RYR2: variants seen among roughly 807,000 people sequenced by gnomAD.
RYR2 encodes ryanodine receptor 2.
In RYR2, 227 loss-of-function variants were observed where a neutral mutation model predicts 601.1. The ratio of observed to expected loss-of-function variants is 0.38; its 90% CI spans 0.34 to 0.42. The LOEUF (loss-of-function observed/expected upper bound fraction) is 0.42, where lower values mean the gene tolerates loss of function less well. RYR2 is among the 10% of genes least tolerant of loss of function. RYR2 has a pLI of 1.00. For synonymous variants in RYR2, 2,223 were observed against 2,175.1 expected (o/e 1.02, Z -0.61); for missense variants, 4,646 against 6,156.5 (o/e 0.75, Z 8.21).
intron 70 of RYR2, among the ~76,000 whole-genome samples, chr1:237,711,389 A>G (rs558269002): frequency 4.9e-4 from 75 of 152,332 alleles, no homozygotes; most frequent in South Asian, 4.6e-3. Context: ...TCATAGTTCT[A>G]TGTGTCCTCG....
chr1:237,627,788 A>G lies in RYR2; in HGVS notation c.6167-19A>G, dbSNP rs1292102705. 1.3e-6 allele frequency: 2 copies of G among 1,561,340 alleles called. No individual in the cohort carries two copies. On this transcript the variant is annotated intron_variant, in intron 40 of 104. Coordinates refer to ENST00000366574, the MANE Select transcript of RYR2 (RefSeq NM_001035.3). Reference sequence around the variant, plus strand: ...TTCTCTTATTTTTCTTTTAAAAAATATCCATAATGACTTTGCAGCCACTCT... The same window carrying G: ...TTCTCTTATTTTTCTTTTAAAAAATGTCCATAATGACTTTGCAGCCACTCT...
At chr1:237,127,093 G>C (rs1300380699) in intron 1 of RYR2, among the ~76,000 whole-genome samples, 1 of 151,524 alleles carries the variant, frequency 6.6e-6, no homozygotes, top group Non-Finnish European at 1.5e-5. Flanking sequence ...GAGAGCACAG[G>C]GTTGGGGGTA....
At chr1:237,641,475 T>TCTG (rs1558122398) in intron 47 of RYR2, among the ~76,000 whole-genome samples, 33 of 16,964 alleles carry the variant, frequency 1.9e-3, no homozygotes, top group African/African-American at 2.7e-3. Context: ...CTGTCTGTCT[T>TCTG]TCTTTCTTTC....
At chr1:237,408,259 T>A (rs56330500) in intron 10 of RYR2, among the ~76,000 whole-genome samples, 6,056 of 151,796 alleles carry the variant, frequency 0.04, 196 homozygotes, top group Non-Finnish European at 0.066. Flanking sequence ...TGTTCTAGAT[T>A]AGTTTTTCTA....
At chr1:237,421,233 C>T (rs1386647151) in intron 11 of RYR2, among the ~76,000 whole-genome samples, 2 of 151,892 alleles carry the variant, frequency 1.3e-5, no homozygotes, top group African/African-American at 2.4e-5. Context: ...AGCGAGACTC[C>T]GTCTCAAAAT....
chr1:237,319,262 G>A (rs1021267268), intron 2 of RYR2, among the ~76,000 whole-genome samples: 30 of 151,930 alleles, frequency 2.0e-4, no homozygotes, highest in African/African-American at 3.1e-4. Context: ...TATAATAGCC[G>A]CCTTGAAGCC....
chr1:237,256,105 G>T (rs1292282161), intron 1 of RYR2, among the ~76,000 whole-genome samples: 1 of 152,062 alleles, frequency 6.6e-6, no homozygotes, highest in Non-Finnish European at 1.5e-5. Flanking sequence ...GGAGATAATT[G>T]AATCATAGGG....
At chr1:237,767,101 G>C (rs901648987) in intron 84 of RYR2, among the ~76,000 whole-genome samples, 11 of 152,262 alleles carry the variant, frequency 7.2e-5, no homozygotes, top group African/African-American at 2.4e-4. Context: ...GAGGAGTTGA[G>C]GAGTTTGTTC....
intron 38 of RYR2, 52 bp downstream of exon 38, chr1:237,617,538 C>T: frequency 6.4e-7 from 1 of 1,556,444 alleles, no homozygotes; most frequent in Non-Finnish European, 8.8e-7. Context: ...TTTAGTCATT[C>T]AGGATCTCTG....
intron 2 of RYR2, among the ~76,000 whole-genome samples, chr1:237,283,740 A>G (rs1347761541): frequency 6.6e-6 from 1 of 152,188 alleles, no homozygotes; most frequent in Non-Finnish European, 1.5e-5. Context: ...GCTTAATCCT[A>G]TATAGATTGA....
At chr1:237,699,156 A>G (rs556047418) in intron 64 of RYR2, 131 bp downstream of exon 64, 3 of 501,056 alleles carry the variant, frequency 6.0e-6, no homozygotes, top group Non-Finnish European at 1.0e-5. Flanking sequence ...AGTGTAGGTG[A>G]AAAGAAAAAC....
At chr1:237,351,055 T>C (rs905322347) in intron 3 of RYR2, among the ~76,000 whole-genome samples, 1 of 152,242 alleles carries the variant, frequency 6.6e-6, no homozygotes, top group Middle Eastern at 3.4e-3. Flanking sequence ...TAAGAGTGTA[T>C]TCCTTTCTCA....
intron 1 of RYR2, among the ~76,000 whole-genome samples, chr1:237,071,940 C>T (rs935413375): frequency 4.6e-5 from 7 of 152,330 alleles, no homozygotes; most frequent in East Asian, 1.9e-4. Flanking sequence ...CTGGCCAGGT[C>T]GCGATAGCGC....
intron 1 of RYR2, among the ~76,000 whole-genome samples, chr1:237,210,882 C>T (rs1682496739): frequency 6.6e-6 from 1 of 152,206 alleles, no homozygotes; most frequent in African/African-American, 2.4e-5. Context: ...TATTTTACAT[C>T]TTCAGCTGGT....
At chr1:237,413,518 C>A (rs995060463) in intron 10 of RYR2, among the ~76,000 whole-genome samples, 1 of 152,034 alleles carries the variant, frequency 6.6e-6, no homozygotes, top group Non-Finnish European at 1.5e-5. Flanking sequence ...ATTATTCATG[C>A]TATTTGTATC....
chr1:237,607,597 A>C (rs1677288705), intron 35 of RYR2, among the ~76,000 whole-genome samples: 1 of 152,192 alleles, frequency 6.6e-6, no homozygotes, highest in African/African-American at 2.4e-5. Flanking sequence ...AGGATTTAAC[A>C]ATGAATTGGA....
intron 2 of RYR2, among the ~76,000 whole-genome samples, chr1:237,288,661 GC>G (rs1041886443): frequency 6.6e-6 from 1 of 152,062 alleles, no homozygotes; most frequent in South Asian, 2.1e-4. Context: ...CTCCCACTGT[GC>G]CCCCCAACAA....
chr1:237,086,095 C>G (rs1666297815), intron 1 of RYR2, among the ~76,000 whole-genome samples: 1 of 152,250 alleles, frequency 6.6e-6, no homozygotes, highest in African/African-American at 2.4e-5. Flanking sequence ...CTGTTAATGC[C>G]TGCATTAGTT....
At chr1:237,385,188 C>T (rs991904267) in intron 8 of RYR2, among the ~76,000 whole-genome samples, 9 of 151,914 alleles carry the variant, frequency 5.9e-5, no homozygotes, top group Non-Finnish European at 1.2e-4. Context: ...CATGCCCGGC[C>T]GTATTTATTT....
Sources: gnomAD v4.1 joint callset for allele counts (sites outside exome capture counted in the v4.1 genomes callset) on GRCh38, gnomAD v4.1.1 for gene constraint, MANE v1.5 for transcripts, NCBI Gene and HGNC (gene_info 2026-07-23, HGNC 2026-07-21) for gene names.